Variants in LIN7A observed in about 807,000 individuals in gnomAD.
LIN7A encodes the protein protein lin-7 homolog A.
In LIN7A, 25 loss-of-function variants were observed where a neutral mutation model predicts 29.8. The ratio of observed to expected loss-of-function variants is 0.84; its 90% confidence interval spans 0.61 to 1.17. The LOEUF (loss-of-function observed/expected upper bound fraction) is 1.17. Ranked by LOEUF, LIN7A falls within the 50% of genes most tolerant of loss-of-function variation. The pLI, the probability that LIN7A is intolerant of heterozygous loss-of-function variation, is 0.00. For synonymous variants in LIN7A, 118 were observed against 107.5 expected, an observed-to-expected ratio of 1.10 and a Z score of -0.60; for missense variants, 239 against 287.0, an observed-to-expected ratio of 0.83 and a Z score of 1.21.
rs1870384578 is a variant in LIN7A, at chr12:80,795,067, T to C, written c.*2660A>G. 1 of 152,176 alleles carries C rather than the reference T, an allele frequency of 6.6e-6. No individual in the cohort carries two copies. Among genetic ancestry groups the C allele is most frequent in the South Asian group, 2.1e-4 (1 of 4,832 alleles). 9.4% of individuals were successfully genotyped at this position (152,176 alleles called of 1,614,324 possible). ...TTTAATACCTAATTTGTTTATTACATTGAATTGAGCTTCATGTCAGAGCAA... is the reference window on the plus strand; with the variant it reads ...TTTAATACCTAATTTGTTTATTACACTGAATTGAGCTTCATGTCAGAGCAA... On this transcript the variant is annotated 3_prime_UTR_variant, in exon 6 of 6. Transcript: ENST00000552864.
At chr12:80,841,827 A>T in intron 4 of LIN7A, 1 of 928,306 alleles carries the variant, frequency 1.1e-6, no homozygotes, top group Non-Finnish European at 1.3e-6. Context: ...ACACTTGAGC[A>T]TAAAAGGGTG....
chr12:80,897,333 T>C (rs1875959947), intron 1 of LIN7A, among the ~76,000 whole-genome samples: 1 of 152,210 alleles, frequency 6.6e-6, no homozygotes, highest in Admixed American at 6.5e-5. Flanking sequence ...TATAGCCTTA[T>C]TCCTAATCCC....
At chr12:80,807,915 TC>T (rs1871120185) in intron 5 of LIN7A, among the ~76,000 whole-genome samples, 1 of 152,206 alleles carries the variant, frequency 6.6e-6, no homozygotes, top group Admixed American at 6.5e-5. Flanking sequence ...TAATCTATTC[TC>T]ACAGCAGCCA....
At chr12:80,877,336 T>C (rs1443221110) in intron 2 of LIN7A, among the ~76,000 whole-genome samples, 1 of 152,052 alleles carries the variant, frequency 6.6e-6, no homozygotes, top group African/African-American at 2.4e-5. Context: ...CACAAAGGAA[T>C]ATTACACAGC....
intron 5 of LIN7A, among the ~76,000 whole-genome samples, chr12:80,798,338 G>A (rs1025906669): frequency 3.9e-5 from 6 of 152,032 alleles, no homozygotes; most frequent in South Asian, 2.1e-4. Flanking sequence ...TTACATCTTC[G>A]TTCTCAAAGC....
intron 1 of LIN7A, among the ~76,000 whole-genome samples, chr12:80,927,428 C>T (rs904641911): frequency 3.4e-4 from 52 of 152,212 alleles, no homozygotes; most frequent in African/African-American, 1.1e-3. Context: ...GGATTGCAGG[C>T]GTGAGCCACC....
intron 4 of LIN7A, among the ~76,000 whole-genome samples, chr12:80,824,882 T>C (rs919517799): frequency 1.3e-5 from 2 of 152,122 alleles, no homozygotes; most frequent in African/African-American, 2.4e-5. Context: ...TAAAAACCAT[T>C]GACAACAAAC....
At chr12:80,821,986 A>G (rs961518152) in intron 4 of LIN7A, among the ~76,000 whole-genome samples, 1 of 152,110 alleles carries the variant, frequency 6.6e-6, no homozygotes, top group African/African-American at 2.4e-5. Context: ...CAACCCCCTG[A>G]CACCTCAGCC....
chr12:80,910,229 T>A (rs1352685028), intron 1 of LIN7A, among the ~76,000 whole-genome samples: 3 of 152,328 alleles, frequency 2.0e-5, no homozygotes, highest in Middle Eastern at 3.4e-3. Context: ...AAGATAACCT[T>A]ATATTTTCTT....
rs898485784 is a variant in LIN7A, at chr12:80,848,634, A to G, written c.202-312T>C. ...ATAAATTGCTTAAACTAAAGTACAG[A>G]AAAAAAAAAACTTAAAGGATGCCTT... is the stretch of plus-strand genomic sequence containing the variant. On this transcript the variant is annotated intron_variant, in intron 2 of 5. Coordinates refer to ENST00000552864, the MANE Select transcript of LIN7A (RefSeq NM_004664.4). Among the ~76,000 whole-genome samples the G allele has an allele frequency of 1.1e-4, 16 of 147,518 alleles. No individual in the cohort carries two copies. In the East Asian group the frequency reaches 1.4e-3, roughly 13 times the overall value.
intron 4 of LIN7A, among the ~76,000 whole-genome samples, chr12:80,818,515 G>A (rs559200529): frequency 2.1e-4 from 32 of 152,216 alleles, no homozygotes; most frequent in Non-Finnish European, 2.1e-4. Flanking sequence ...TTCTAGAGTC[G>A]AGGCTCTTAC....
intron 2 of LIN7A, among the ~76,000 whole-genome samples, chr12:80,865,162 C>A (rs1874074513): frequency 6.6e-6 from 1 of 152,102 alleles, no homozygotes; most frequent in African/African-American, 2.4e-5. Context: ...TACTGCCTAT[C>A]TAAATGCATA....
intron 1 of LIN7A, among the ~76,000 whole-genome samples, chr12:80,917,511 C>T (rs1877086781): frequency 1.3e-5 from 2 of 151,984 alleles, no homozygotes; most frequent in African/African-American, 4.8e-5. Context: ...TCTGTGAGTA[C>T]ATAAAAATGG....
intron 2 of LIN7A, among the ~76,000 whole-genome samples, chr12:80,886,625 T>G (rs764796831): frequency 4.6e-5 from 7 of 152,068 alleles, no homozygotes; most frequent in Non-Finnish European, 1.0e-4. Flanking sequence ...CTAAGGACTT[T>G]ACTGTGAATA....
intron 2 of LIN7A, among the ~76,000 whole-genome samples, chr12:80,855,940 T>C (rs1228463678): frequency 6.6e-6 from 1 of 152,194 alleles, no homozygotes; most frequent in Non-Finnish European, 1.5e-5. Context: ...ATAAATTTTA[T>C]ATATTTTAAG....
intron 1 of LIN7A, among the ~76,000 whole-genome samples, chr12:80,891,551 G>A (rs993000908): frequency 1.3e-5 from 2 of 152,122 alleles, no homozygotes; most frequent in Non-Finnish European, 2.9e-5. Context: ...TGCTAGCCCT[G>A]GGCTGTGCAC....
At chr12:80,917,612 TA>T (rs1344054717) in intron 1 of LIN7A, among the ~76,000 whole-genome samples, 1 of 152,210 alleles carries the variant, frequency 6.6e-6, no homozygotes, top group East Asian at 1.9e-4. Flanking sequence ...AATATTCTTA[TA>T]TTTTTAAATA....
intron 2 of LIN7A, among the ~76,000 whole-genome samples, chr12:80,874,041 ACTGT>A (rs936474933): frequency 3.9e-5 from 6 of 152,096 alleles, no homozygotes; most frequent in Non-Finnish European, 8.8e-5. Flanking sequence ...GAGATGTCCT[ACTGT>A]TGATCTGGGA....
At chr12:80,920,550 G>T (rs563747662) in intron 1 of LIN7A, among the ~76,000 whole-genome samples, 7 of 152,118 alleles carry the variant, frequency 4.6e-5, no homozygotes, top group Non-Finnish European at 8.8e-5. Flanking sequence ...AAAAAAGACA[G>T]AGCAAAATAG....
Sources: gnomAD v4.1 joint callset for allele counts (sites outside exome capture counted in the v4.1 genomes callset) on GRCh38, gnomAD v4.1.1 for gene constraint, MANE v1.5 for transcripts, NCBI Gene and HGNC (gene_info 2026-07-23, HGNC 2026-07-21) for gene names.